The following RAB10 variants were observed in gnomAD, a reference collection of about 807,000 sequenced individuals.
RAB10 encodes the protein RAB10, member RAS oncogene family.
A neutral mutation model predicts 25.7 loss-of-function variants in RAB10; 5 were observed. The ratio of observed to expected loss-of-function variants is 0.19; its 90% CI spans 0.10 to 0.41. The LOEUF (loss-of-function observed/expected upper bound fraction) is 0.41, where lower values mean the gene tolerates loss of function less well. Ranked by LOEUF, RAB10 falls within the 10% of genes least tolerant of loss-of-function variation. The pLI is 1.00. For synonymous variants in RAB10, 89 were observed against 86.4 expected (o/e 1.03, Z -0.16); for missense variants, 103 against 245.8 (o/e 0.42, Z 3.89).
intron 2 of RAB10, among the ~76,000 whole-genome samples, chr2:26,100,715 A>G (rs1667323154): frequency 6.6e-6 from 1 of 152,198 alleles, no homozygotes; most frequent in African/African-American, 2.4e-5. Context: ...TCCTTACCTT[A>G]TAAATTAGGA....
chr2:26,084,929 G>A (rs758280486), intron 1 of RAB10, among the ~76,000 whole-genome samples: 12 of 152,094 alleles, frequency 7.9e-5, no homozygotes, highest in Non-Finnish European at 1.8e-4. Context: ...CAGAACTAAA[G>A]GGTTATTTAG....
rs369583521 is a variant in RAB10 at position 26,079,557 on chromosome 2, A to T, written c.128-19105A>T. ...TATTTCCTCTCTCTGCTGGGAAGTC[A>T]TAGAAGAAATGATGCTGAGGTAGCA... On this transcript the variant is annotated intron_variant, in intron 1 of 5. Coordinates refer to ENST00000264710, the MANE Select transcript of RAB10 (RefSeq NM_016131.5). Among the ~76,000 whole-genome samples the T allele has an allele frequency of 1.3e-4, 19 of 147,966 alleles. No individual in the cohort carries two copies. In the East Asian group the frequency reaches 2.1e-3, roughly 16 times the overall value.
intron 3 of RAB10, among the ~76,000 whole-genome samples, chr2:26,118,213 C>A (rs1667731434): frequency 6.6e-6 from 1 of 152,124 alleles, no homozygotes; most frequent in African/African-American, 2.4e-5. Flanking sequence ...CCTCATGGTC[C>A]GTCGTCCTCA....
chr2:26,063,572 T>A (rs1666455411), intron 1 of RAB10, among the ~76,000 whole-genome samples: 1 of 152,150 alleles, frequency 6.6e-6, no homozygotes, highest in African/African-American at 2.4e-5. Flanking sequence ...ATGCAAGAAG[T>A]TTAATATTAG....
At chr2:26,042,884 A>G (rs1312645100) in intron 1 of RAB10, 1 of 152,196 alleles carries the variant, frequency 6.6e-6, no homozygotes, top group African/African-American at 2.4e-5. Flanking sequence ...AATTAGGGAA[A>G]TGCAAATCAA....
chr2:26,040,132 A>G (rs1290803831), intron 1 of RAB10, among the ~76,000 whole-genome samples: 2 of 152,250 alleles, frequency 1.3e-5, no homozygotes, highest in East Asian at 3.9e-4. Flanking sequence ...AATGTGTTAA[A>G]TGTTATTAAG....
At chr2:26,134,899 G>A in intron 5 of RAB10, 39 bp from the exon 6 acceptor site, 1 of 1,512,602 alleles carries the variant, frequency 6.6e-7, no homozygotes. Flanking sequence ...CCATGGCAGT[G>A]TTTTTTCATG....
At chr2:26,060,486 G>A (rs1329271183) in intron 1 of RAB10, among the ~76,000 whole-genome samples, 1 of 152,020 alleles carries the variant, frequency 6.6e-6, no homozygotes, top group African/African-American at 2.4e-5. Context: ...TAGAGATGGG[G>A]TTTCACCGTG....
chr2:26,125,807 C>G (rs1019661387), intron 3 of RAB10, among the ~76,000 whole-genome samples: 1 of 152,040 alleles, frequency 6.6e-6, no homozygotes, highest in African/African-American at 2.4e-5. Context: ...AATATTTCCT[C>G]CTTTTTGTGG....
At chr2:26,088,893 G>A (rs571617139) in intron 1 of RAB10, among the ~76,000 whole-genome samples, 147 of 151,930 alleles carry the variant, frequency 9.7e-4, no homozygotes, top group African/African-American at 3.4e-3. Context: ...AAAGTGCTGG[G>A]ATTACAGGCA....
chr2:26,045,075 G>C (rs911490970), intron 1 of RAB10, among the ~76,000 whole-genome samples: 4 of 150,454 alleles, frequency 2.7e-5, no homozygotes, highest in African/African-American at 9.8e-5. Context: ...CGGGTTACTT[G>C]TCCTTTGCCA....
intron 5 of RAB10, among the ~76,000 whole-genome samples, chr2:26,130,480 T>G (rs953297845): frequency 7.2e-6 from 1 of 138,242 alleles, no homozygotes; most frequent in Non-Finnish European, 1.5e-5. Flanking sequence ...GTCTCTCTCT[T>G]TTTTTTTTTT....
At chr2:26,134,079 T>C (rs1222607698) in intron 5 of RAB10, among the ~76,000 whole-genome samples, 3 of 152,140 alleles carry the variant, frequency 2.0e-5, no homozygotes, top group Non-Finnish European at 4.4e-5. Context: ...CTACTGTTAG[T>C]ATTTTGTTGT....
chr2:26,113,372 G>C (rs919526024), intron 3 of RAB10, among the ~76,000 whole-genome samples: 2 of 151,960 alleles, frequency 1.3e-5, no homozygotes, highest in Non-Finnish European at 2.9e-5. Context: ...TCAGGAGTTC[G>C]AGACCAGCCT....
chr2:26,078,350 C>T (rs977658074), intron 1 of RAB10, among the ~76,000 whole-genome samples: 6 of 152,158 alleles, frequency 3.9e-5, no homozygotes, highest in Non-Finnish European at 2.9e-5. Context: ...ACAGAGGACC[C>T]TGTATAATGA....
At chr2:26,092,066 G>A (rs1667118050) in intron 1 of RAB10, among the ~76,000 whole-genome samples, 1 of 152,016 alleles carries the variant, frequency 6.6e-6, no homozygotes, top group East Asian at 1.9e-4. Context: ...CAGCTTCTCA[G>A]GAGGCTGAGG....
chr2:26,049,929 C>G (rs1444387829), intron 1 of RAB10, among the ~76,000 whole-genome samples: 1 of 152,134 alleles, frequency 6.6e-6, no homozygotes, highest in Admixed American at 6.5e-5. Context: ...GCCAAACCAC[C>G]AGATAATAAT....
At chr2:26,094,608 G>A (rs1346636054) in intron 1 of RAB10, among the ~76,000 whole-genome samples, 1 of 151,724 alleles carries the variant, frequency 6.6e-6, no homozygotes, top group Non-Finnish European at 1.5e-5. Context: ...GCCCAGGCTG[G>A]AGTGCAGTGG....
At chr2:26,134,056 C>T (rs1373968093) in intron 5 of RAB10, among the ~76,000 whole-genome samples, 2 of 152,114 alleles carry the variant, frequency 1.3e-5, no homozygotes. Context: ...ATAATTTTAC[C>T]ACCTAAGGGT....
Sources: allele counts gnomAD v4.1 joint callset (sites outside exome capture counted in the v4.1 genomes callset), GRCh38; gene constraint gnomAD v4.1.1; transcripts MANE v1.5; gene names NCBI Gene and HGNC (gene_info 2026-07-23, HGNC 2026-07-21).